Variants in CDK6 observed in about 807,000 individuals in gnomAD.
CDK6 encodes the protein cyclin dependent kinase 6.
CDK6 carries 6 observed loss-of-function variants against 37.1 expected under a neutral mutation model. The ratio of observed to expected loss-of-function variants is 0.16; its 90% CI spans 0.09 to 0.32. The LOEUF (loss-of-function observed/expected upper bound fraction) is 0.32, where lower values mean the gene tolerates loss of function less well. CDK6 is among the 10% of genes least tolerant of loss of function. The pLI is 1.00. For missense variants in CDK6, 224 were observed against 418.9 expected, an observed-to-expected ratio of 0.53 and a Z score of 4.06; for synonymous variants, 160 against 161.3, an observed-to-expected ratio of 0.99 and a Z score of 0.06.
At chr7:92,622,743 G>T (rs187006690) in intron 6 of CDK6, among the ~76,000 whole-genome samples, 40 of 152,138 alleles carry the variant, frequency 2.6e-4, no homozygotes, top group African/African-American at 7.5e-4. Flanking sequence ...ATGACCACAA[G>T]CAGAAAATGT....
At chr7:92,695,680 A>G (rs532258901) in intron 4 of CDK6, among the ~76,000 whole-genome samples, 17 of 152,312 alleles carry the variant, frequency 1.1e-4, no homozygotes, top group Non-Finnish European at 2.1e-4. Flanking sequence ...AAAAGCATAA[A>G]TGTATATGCT....
intron 2 of CDK6, among the ~76,000 whole-genome samples, chr7:92,819,500 C>T (rs1430615488): frequency 6.6e-6 from 1 of 151,948 alleles, no homozygotes; most frequent in East Asian, 1.9e-4. Context: ...AAAGCACACA[C>T]TTAAAATGGG....
intron 4 of CDK6, among the ~76,000 whole-genome samples, chr7:92,707,417 T>G (rs1797992602): frequency 6.6e-6 from 1 of 152,218 alleles, no homozygotes; most frequent in Admixed American, 6.5e-5. Flanking sequence ...TAATAGCCGT[T>G]ATACTGCTTT....
chr7:92,719,188 A>G (rs1229827502), intron 4 of CDK6, among the ~76,000 whole-genome samples: 1 of 152,204 alleles, frequency 6.6e-6, no homozygotes, highest in African/African-American at 2.4e-5. Flanking sequence ...TTTGTTACAT[A>G]GGTAAACGTG....
At chr7:92,693,779 G>A (rs1797648243) in intron 4 of CDK6, among the ~76,000 whole-genome samples, 1 of 152,170 alleles carries the variant, frequency 6.6e-6, no homozygotes, top group Non-Finnish European at 1.5e-5. Flanking sequence ...GTTCACTGTT[G>A]TCATGTGAAG....
intron 3 of CDK6, among the ~76,000 whole-genome samples, chr7:92,729,215 T>C (rs781474940): frequency 6.6e-6 from 1 of 152,218 alleles, no homozygotes; most frequent in African/African-American, 2.4e-5. Context: ...TCTCAGTTTA[T>C]AGTATCGTGA....
chr7:92,639,491 G>A (rs1161347223), intron 5 of CDK6, among the ~76,000 whole-genome samples: 2 of 152,178 alleles, frequency 1.3e-5, no homozygotes, highest in Non-Finnish European at 2.9e-5. Context: ...GGACAGCATG[G>A]CTTTGGTGCT....
intron 3 of CDK6, among the ~76,000 whole-genome samples, chr7:92,743,295 G>C (rs554343371): frequency 1.3e-4 from 19 of 151,790 alleles, no homozygotes; most frequent in Non-Finnish European, 2.6e-4. Flanking sequence ...AGAATCGCTT[G>C]AACCAGGGAG....
At chr7:92,797,551 G>A (rs932184875) in intron 2 of CDK6, among the ~76,000 whole-genome samples, 6 of 152,148 alleles carry the variant, frequency 3.9e-5, no homozygotes, top group South Asian at 2.1e-4. Context: ...GGCTCCCTAT[G>A]TTTGGGCAGC....
Position 92,730,472 on chromosome 7 carries a change from G to A in CDK6, c.370-4679C>T, listed in dbSNP as rs1415342526. Among the ~76,000 whole-genome samples, 2 of 152,234 alleles carry A rather than the reference G, an allele frequency of 1.3e-5. 1 individual carries two copies. ...CATGTTGAATTAAGGTGAGGGTTAC[G>A]ATTATAGCAACAGAGGGAAAGGTCA... is the stretch of plus-strand genomic sequence containing the variant. On this transcript the variant is annotated intron_variant, in intron 3 of 7. Coordinates refer to ENST00000424848, the MANE Select transcript of CDK6 (RefSeq NM_001145306.2).
intron 4 of CDK6, among the ~76,000 whole-genome samples, chr7:92,704,673 T>G (rs778830803): frequency 6.6e-6 from 1 of 152,250 alleles, no homozygotes; most frequent in Non-Finnish European, 1.5e-5. Context: ...TCATTCATTT[T>G]TAAATTTTCA....
chr7:92,612,385 T>C lies in CDK6; in HGVS notation c.*2755A>G, dbSNP rs1795580486. 4.3e-6 allele frequency: 1 copy of C among 233,092 alleles called. No individual in the cohort carries two copies. Among genetic ancestry groups the C allele is most frequent in the Non-Finnish European group, 8.5e-6 (1 of 118,006 alleles). 14.4% of individuals were successfully genotyped at this position (233,092 alleles called of 1,614,324 possible). Reference sequence around the variant, plus strand: ...TATGTTACAGAAGAATAAGCTGTAGTCACTAAGTTCTTACTCTACTATCTG... The same window carrying C: ...TATGTTACAGAAGAATAAGCTGTAGCCACTAAGTTCTTACTCTACTATCTG... On this transcript the variant is annotated 3_prime_UTR_variant, in exon 8 of 8. Transcript: ENST00000424848.
intron 2 of CDK6, among the ~76,000 whole-genome samples, chr7:92,820,136 TAA>T (rs1447062112): frequency 1.3e-5 from 2 of 151,186 alleles, no homozygotes; most frequent in East Asian, 3.9e-4. Flanking sequence ...CAAGAAAAAA[TAA>T]AAAGGCAATT....
chr7:92,826,617 A>C (rs1584125703), intron 2 of CDK6, among the ~76,000 whole-genome samples: 1 of 152,276 alleles, frequency 6.6e-6, no homozygotes, highest in Non-Finnish European at 1.5e-5. Context: ...AGAACATGAG[A>C]ATATCCTGTC....
At chr7:92,702,484 C>CG in intron 4 of CDK6, among the ~76,000 whole-genome samples, 1 of 152,050 alleles carries the variant, frequency 6.6e-6, no homozygotes, top group Non-Finnish European at 1.5e-5. Context: ...CCACCTGCCT[C>CG]GGCCCCCTAA....
At chr7:92,626,515 C>A (rs1795931687) in intron 5 of CDK6, among the ~76,000 whole-genome samples, 1 of 152,040 alleles carries the variant, frequency 6.6e-6, no homozygotes, top group Non-Finnish European at 1.5e-5. Context: ...GAGTAAGTGG[C>A]TAAGCTGATT....
intron 4 of CDK6, among the ~76,000 whole-genome samples, chr7:92,695,153 T>C (rs1165867850): frequency 6.6e-6 from 1 of 151,828 alleles, no homozygotes; most frequent in Non-Finnish European, 1.5e-5. Flanking sequence ...AGTGTAAATA[T>C]ACAAATCATC....
intron 5 of CDK6, among the ~76,000 whole-genome samples, chr7:92,670,407 C>T (rs1052545433): frequency 6.6e-6 from 1 of 152,138 alleles, no homozygotes; most frequent in Non-Finnish European, 1.5e-5. Flanking sequence ...CAAGCAATGG[C>T]TGACCACTTC....
chr7:92,648,859 T>C (rs76527309), intron 5 of CDK6, among the ~76,000 whole-genome samples: 1 of 152,190 alleles, frequency 6.6e-6, no homozygotes, highest in Non-Finnish European at 1.5e-5. Flanking sequence ...TGGATACACA[T>C]ACATAAACAT....
Sources: allele counts gnomAD v4.1 joint callset (sites outside exome capture counted in the v4.1 genomes callset), GRCh38; gene constraint gnomAD v4.1.1; transcripts MANE v1.5; gene names NCBI Gene and HGNC (gene_info 2026-07-23, HGNC 2026-07-21).